Variants in RAB11FIP4 observed in about 807,000 individuals in gnomAD.
RAB11FIP4 encodes the protein rab11 family-interacting protein 4.
A neutral mutation model predicts 74.3 loss-of-function variants in RAB11FIP4; 23 were observed. The observed-to-expected ratio is 0.31, with a 90% CI of 0.22 to 0.44. RAB11FIP4 has a LOEUF of 0.44. RAB11FIP4 is among the 20% of genes least tolerant of loss of function. The probability of loss-of-function intolerance (pLI) is 1.00; values close to 1 mark genes in which losing one functional copy is unlikely to be tolerated. For synonymous variants in RAB11FIP4, 360 were observed against 359.9 expected (o/e 1.00, Z 0.00); for missense variants, 630 against 863.9 (o/e 0.73, Z 3.39).
chr17:31,453,768 C>G (rs2071549082), intron 3 of RAB11FIP4, among the ~76,000 whole-genome samples: 1 of 145,180 alleles, frequency 6.9e-6, no homozygotes, highest in African/African-American at 2.6e-5. Context: ...CCACTGCACT[C>G]CAGCCTGGGC....
chr17:31,451,451 TCC>T, intron 3 of RAB11FIP4, among the ~76,000 whole-genome samples: 1 of 96,930 alleles, frequency 1.0e-5, no homozygotes, highest in Non-Finnish European at 1.9e-5. Flanking sequence ...AGAGCGAGAC[TCC>T]ATCTCAAAAA....
Position 31,536,752 on chromosome 17 carries a change from G to C in RAB11FIP4, c.*5020G>C, listed in dbSNP as rs1377910897. On this transcript the variant is annotated 3_prime_UTR_variant, in exon 15 of 15. Coordinates refer to ENST00000621161, the MANE Select transcript of RAB11FIP4 (RefSeq NM_032932.6). ...AGGAAGCGGGAGAGGCTGGAACCAG[G>C]AGCCTGCCCTACCTGCATGGCAGGA... 1 of 375,524 alleles carries C rather than the reference G, an allele frequency of 2.7e-6. No individual in the cohort carries two copies. Among genetic ancestry groups the C allele is most frequent in the Non-Finnish European group, 4.7e-6 (1 of 211,884 alleles). The allele number at this position is 375,524 out of a possible 1,614,324, so 23.3% of individuals were successfully genotyped here.
At chr17:31,518,729 TA>T (rs1199240113) in intron 4 of RAB11FIP4, 1 of 152,398 alleles carries the variant, frequency 6.6e-6, no homozygotes, top group Non-Finnish European at 1.5e-5. Flanking sequence ...ACCCCATCTC[TA>T]AAAAAACCAA....
chr17:31,462,348 G>A (rs1390606248), intron 3 of RAB11FIP4, among the ~76,000 whole-genome samples: 2 of 152,142 alleles, frequency 1.3e-5, no homozygotes, highest in Admixed American at 6.6e-5. Flanking sequence ...GTTTGGCTTG[G>A]TCATTGGGAG....
intron 1 of RAB11FIP4, among the ~76,000 whole-genome samples, chr17:31,407,694 A>G (rs112348543): frequency 1.6e-3 from 237 of 152,274 alleles, no homozygotes; most frequent in African/African-American, 5.2e-3. Context: ...TGGCAGGGAC[A>G]GGTGGTGGTG....
chr17:31,468,712 C>A lies in RAB11FIP4; in HGVS notation c.336+34590C>A, dbSNP rs2071709879. Among the ~76,000 whole-genome samples the A allele has an allele frequency of 2.6e-5, 4 of 152,232 alleles. No individual in the cohort carries two copies. The South Asian group carries it at 8.3e-4, about 32-fold the overall frequency. Reference sequence around the variant, plus strand: ...GGGTGTGGTGGTGGGCACCTGTAATCCCAGCTACTCAGGAGGCTGAGGCAG... The same window carrying A: ...GGGTGTGGTGGTGGGCACCTGTAATACCAGCTACTCAGGAGGCTGAGGCAG... On this transcript the variant is annotated intron_variant, in intron 3 of 14. Coordinates refer to ENST00000621161, the MANE Select transcript of RAB11FIP4 (RefSeq NM_032932.6).
At chr17:31,404,213 A>G (rs147323222) in intron 1 of RAB11FIP4, among the ~76,000 whole-genome samples, 3 of 152,078 alleles carry the variant, frequency 2.0e-5, no homozygotes, top group Non-Finnish European at 4.4e-5. Context: ...TGGACCACAC[A>G]CTCCTGTTCC....
At chr17:31,454,359 C>T (rs957791376) in intron 3 of RAB11FIP4, among the ~76,000 whole-genome samples, 3 of 152,060 alleles carry the variant, frequency 2.0e-5, no homozygotes, top group East Asian at 1.9e-4. Context: ...CTGCAACCTC[C>T]GCCTCCTGGG....
Position 31,517,749 on chromosome 17 carries a change from G to A in RAB11FIP4, c.435G>A (p.Ala145=), listed in dbSNP as rs1285356370. ...PEDEEEAMTL[A]PPEGPQELYT... Reference sequence around the variant, plus strand: ...ACGAGGAGGAGGCTATGACGCTGGCGCCACCTGAGGGCCCCCAGGAGTTGT... The same window carrying A: ...ACGAGGAGGAGGCTATGACGCTGGCACCACCTGAGGGCCCCCAGGAGTTGT... The change falls in exon 4 of 15, where the codon GCG becomes GCA. Residue 145 remains alanine (A), a synonymous_variant. Transcript: ENST00000621161. 8 of 1,583,540 alleles carry A rather than the reference G, an allele frequency of 5.1e-6. No homozygotes were observed. The highest frequency in any genetic ancestry group is 1.2e-5 in the South Asian group (1 of 86,328).
At chr17:31,398,231 G>C (rs1250155186) in intron 1 of RAB11FIP4, among the ~76,000 whole-genome samples, 1 of 152,088 alleles carries the variant, frequency 6.6e-6, no homozygotes, top group East Asian at 1.9e-4. Context: ...GTAGAGACAG[G>C]GTTTTGCCAT....
chr17:31,392,800 T>A (rs2070888061), intron 1 of RAB11FIP4: 1 of 152,258 alleles, frequency 6.6e-6, no homozygotes, highest in Non-Finnish European at 1.5e-5. Context: ...GCCACCGGCA[T>A]GGGGACTGGG....
intron 7 of RAB11FIP4, chr17:31,522,701 C>T (rs1202970268): frequency 6.5e-6 from 3 of 459,080 alleles, no homozygotes; most frequent in African/African-American, 4.0e-5. Flanking sequence ...AGTGCCCTTC[C>T]TGCCTCTTGG....
In RAB11FIP4 at chr17:31,512,729, C is replaced by G. The variant is rs370697797; in HGVS notation, c.337-4922C>G. The stretch of plus-strand genomic sequence containing the variant: ...ACCACACTGTCCCTTCCCCAAAGGC[C>G]CCCAAAAGAGCAGACACAGCCTTTC... On this transcript the variant is annotated intron_variant, in intron 3 of 14. Coordinates refer to ENST00000621161, the MANE Select transcript of RAB11FIP4 (RefSeq NM_032932.6). This position sits in a 1 kb window ranked among gnomAD's most constrained non-coding sequence, Gnocchi z 4.1. Among the ~76,000 whole-genome samples the G allele has an allele frequency of 5.2e-4, 79 of 152,208 alleles. 1 individual carries two copies. Among genetic ancestry groups the G allele is most frequent in the African/African-American group, 1.8e-3 (76 of 41,514 alleles).
intron 3 of RAB11FIP4, among the ~76,000 whole-genome samples, chr17:31,461,483 A>G (rs991821173): frequency 1.1e-4 from 16 of 152,226 alleles, no homozygotes; most frequent in African/African-American, 3.9e-4. Context: ...GCCCCTCTGG[A>G]TGCCAAAGAG....
chr17:31,487,487 G>A (rs2071917878), intron 3 of RAB11FIP4, among the ~76,000 whole-genome samples: 2 of 151,342 alleles, frequency 1.3e-5, no homozygotes, highest in Admixed American at 6.6e-5. Flanking sequence ...TTTAGTTCTC[G>A]TTGCCGCTTG....
At chr17:31,413,097 TAA>T (rs2071113753) in intron 1 of RAB11FIP4, among the ~76,000 whole-genome samples, 1 of 152,182 alleles carries the variant, frequency 6.6e-6, no homozygotes, top group Admixed American at 6.5e-5. Flanking sequence ...GTGTCCTGGT[TAA>T]CTCATTTTCT....
chr17:31,528,249 G>A (rs903270030), intron 11 of RAB11FIP4, among the ~76,000 whole-genome samples, 157 bp from the exon 12 acceptor site: 3 of 152,212 alleles, frequency 2.0e-5, no homozygotes, highest in Non-Finnish European at 4.4e-5. Flanking sequence ...GGCTCTGGCC[G>A]TTTCTGTAAG....
chr17:31,421,443 T>G (rs550440720), intron 1 of RAB11FIP4, among the ~76,000 whole-genome samples: 1 of 152,008 alleles, frequency 6.6e-6, no homozygotes, highest in East Asian at 1.9e-4. Context: ...GGTCTTGAAC[T>G]CCTGACCTCA....
At chr17:31,500,119 G>A (rs1185035637) in intron 3 of RAB11FIP4, among the ~76,000 whole-genome samples, 2 of 152,126 alleles carry the variant, frequency 1.3e-5, no homozygotes, top group African/African-American at 4.8e-5. Context: ...TCAGATCTGG[G>A]ACCCAGGGCA....
Sources: allele counts gnomAD v4.1 joint callset (sites outside exome capture counted in the v4.1 genomes callset), GRCh38; gene constraint gnomAD v4.1.1; non-coding constraint Gnocchi (gnomAD v3.1); transcripts MANE v1.5; gene names NCBI Gene and HGNC (gene_info 2026-07-23, HGNC 2026-07-21).